STARD13: variants seen among roughly 807,000 people sequenced by gnomAD.
The protein encoded by STARD13 is stAR-related lipid transfer protein 13.
STARD13 carries 62 observed loss-of-function variants against 106.4 expected under a neutral mutation model. The ratio of observed to expected loss-of-function variants is 0.58; its 90% CI spans 0.48 to 0.72. STARD13 has a LOEUF of 0.72. STARD13 is among the 30% of genes least tolerant of loss of function. The probability of loss-of-function intolerance (pLI) is 0.00; values close to 1 mark genes in which losing one functional copy is unlikely to be tolerated. For missense variants in STARD13, 1,387 were observed against 1,424.0 expected, an observed-to-expected ratio of 0.97 and a Z score of 0.42; for synonymous variants, 565 against 553.0, an observed-to-expected ratio of 1.02 and a Z score of -0.31.
At chr13:33,612,076 T>C in the STARD13 span, among the ~76,000 whole-genome samples, 2 of 152,208 alleles carry the variant, frequency 1.3e-5, no homozygotes, top group African/African-American at 4.8e-5. Flanking sequence ...TCCAATTTAC[T>C]GAATAAATAT....
At chr13:33,231,491 G>C (rs1888919073) in intron 1 of STARD13, among the ~76,000 whole-genome samples, 1 of 152,172 alleles carries the variant, frequency 6.6e-6, no homozygotes, top group South Asian at 2.1e-4. Context: ...TAGGGCATTA[G>C]AGAACCCTAC....
chr13:33,111,675 T>C (rs894476483), intron 10 of STARD13, 103 bp downstream of exon 10: 12 of 730,776 alleles, frequency 1.6e-5, no homozygotes, highest in Non-Finnish European at 2.6e-5. Flanking sequence ...TGTCATAAAA[T>C]CAGGAACAAA....
At chr13:33,630,506 C>T in the STARD13 span, among the ~76,000 whole-genome samples, 4 of 152,038 alleles carry the variant, frequency 2.6e-5, no homozygotes, top group South Asian at 2.1e-4. Context: ...GCGTACCTTG[C>T]GTGCAGAGAT....
At chr13:33,255,922 T>C (rs983272387) in intron 1 of STARD13, among the ~76,000 whole-genome samples, 72 of 152,164 alleles carry the variant, frequency 4.7e-4, no homozygotes, top group African/African-American at 1.6e-3. Flanking sequence ...AGTATAAGAC[T>C]CTTCATAAGC....
At chr13:33,108,134 G>A (rs188911618) in intron 12 of STARD13, among the ~76,000 whole-genome samples, 2 of 152,302 alleles carry the variant, frequency 1.3e-5, no homozygotes, top group East Asian at 3.9e-4. Context: ...AACTCTCAGC[G>A]GAAGCTCCCG....
At chr13:33,179,014 T>C (rs1249460394) in intron 1 of STARD13, among the ~76,000 whole-genome samples, 2 of 152,238 alleles carry the variant, frequency 1.3e-5, no homozygotes, top group African/African-American at 4.8e-5. Flanking sequence ...ACAGGGTTCA[T>C]GTTATTGCTT....
chr13:33,331,894 G>T (rs1422791413), intron 1 of STARD13, among the ~76,000 whole-genome samples: 3 of 152,044 alleles, frequency 2.0e-5, no homozygotes, highest in Admixed American at 2.0e-4. Flanking sequence ...ATTATGTGAT[G>T]GTCTTTACGT....
the STARD13 span, among the ~76,000 whole-genome samples, chr13:33,404,059 T>C: frequency 6.6e-6 from 1 of 152,192 alleles, no homozygotes; most frequent in East Asian, 1.9e-4. Flanking sequence ...CTAGTGTTAT[T>C]GATGAGTAGT....
intron 1 of STARD13, among the ~76,000 whole-genome samples, chr13:33,269,640 G>A (rs1323033885): frequency 6.6e-6 from 1 of 152,278 alleles, no homozygotes; most frequent in East Asian, 1.9e-4. Context: ...GGACTTGTCA[G>A]AGTCCCTCAG....
At chr13:33,173,269 A>T (rs1381979031) in intron 1 of STARD13, among the ~76,000 whole-genome samples, 1 of 152,352 alleles carries the variant, frequency 6.6e-6, no homozygotes, top group African/African-American at 2.4e-5. Flanking sequence ...CTTTGTCTTC[A>T]GACAGAATTT....
chr13:33,122,972 C>G (rs1368191484), intron 7 of STARD13, among the ~76,000 whole-genome samples: 1 of 140,810 alleles, frequency 7.1e-6, no homozygotes, highest in Non-Finnish European at 1.5e-5. Context: ...AGAAGAATCA[C>G]TTGAACCCAG....
chr13:33,361,695 G>A, the STARD13 span, among the ~76,000 whole-genome samples: 1 of 152,186 alleles, frequency 6.6e-6, no homozygotes, highest in Non-Finnish European at 1.5e-5. Flanking sequence ...ATCTTACCAT[G>A]GTGGAGAGGA....
At chr13:33,590,183 A>G in the STARD13 span, among the ~76,000 whole-genome samples, 9 of 152,224 alleles carry the variant, frequency 5.9e-5, no homozygotes, top group African/African-American at 2.2e-4. Flanking sequence ...GGCGATCATT[A>G]AAAAGTCAGG....
At chr13:33,366,354 T>A in the STARD13 span, among the ~76,000 whole-genome samples, 1 of 152,302 alleles carries the variant, frequency 6.6e-6, no homozygotes, top group Non-Finnish European at 1.5e-5. The surrounding 1 kb of genome is among the most constrained non-coding windows in gnomAD (Gnocchi z 4.2). Flanking sequence ...TTTAGATAAC[T>A]GAAGTTCCCT....
At chr13:33,349,318 C>A in intron 1 of STARD13, 1 of 692,852 alleles carries the variant, frequency 1.4e-6, no homozygotes, top group Non-Finnish European at 2.6e-6. Flanking sequence ...CATCTTCCAG[C>A]AGCCAACATG....
chr13:33,170,197 G>A (rs1232106726), intron 1 of STARD13, among the ~76,000 whole-genome samples: 1 of 152,096 alleles, frequency 6.6e-6, no homozygotes, highest in Non-Finnish European at 1.5e-5. Context: ...TGCCCGAGGG[G>A]ATGAATACCC....
the STARD13 span, among the ~76,000 whole-genome samples, chr13:33,430,827 A>C: frequency 6.6e-6 from 1 of 152,204 alleles, no homozygotes; most frequent in Admixed American, 6.5e-5. Flanking sequence ...GGAAAGAAAA[A>C]TATTGCATGT....
chr13:33,263,000 C>T (rs1434417515), intron 1 of STARD13, among the ~76,000 whole-genome samples: 1 of 152,210 alleles, frequency 6.6e-6, no homozygotes, highest in Non-Finnish European at 1.5e-5. Context: ...GACCGAAGAT[C>T]TCAAGATGAG....
chr13:33,433,363 C>T, the STARD13 span, among the ~76,000 whole-genome samples: 36 of 152,284 alleles, frequency 2.4e-4, no homozygotes, highest in Non-Finnish European at 4.9e-4. Context: ...AGAATTTGTT[C>T]AGGTCTAGCT....
Sources: allele counts gnomAD v4.1 joint callset (sites outside exome capture counted in the v4.1 genomes callset), GRCh38; gene constraint gnomAD v4.1.1; non-coding constraint Gnocchi (gnomAD v3.1); transcripts MANE v1.5; gene names NCBI Gene and HGNC (gene_info 2026-07-23, HGNC 2026-07-21).